Variants in MYT1L observed in about 807,000 individuals in gnomAD.
MYT1L encodes myelin transcription factor 1 like, also known as myelin transcription factor 1-like protein.
A neutral mutation model predicts 126.7 loss-of-function variants in MYT1L; 12 were observed. That is an observed-to-expected ratio of 0.09 (90% CI 0.06 to 0.15). The LOEUF (loss-of-function observed/expected upper bound fraction) is 0.15, where lower values mean the gene tolerates loss of function less well. Among genes scored for constraint, MYT1L ranks in the 10% least tolerant of loss-of-function variants. The pLI is 1.00. For synonymous variants in MYT1L, 541 were observed against 604.2 expected, an observed-to-expected ratio of 0.90 and a Z score of 1.53; for missense variants, 979 against 1,585.2, an observed-to-expected ratio of 0.62 and a Z score of 6.49.
At chr2:2,282,412 T>C (rs2095460571) in intron 2 of MYT1L, among the ~76,000 whole-genome samples, 1 of 152,228 alleles carries the variant, frequency 6.6e-6, no homozygotes, top group Non-Finnish European at 1.5e-5. Flanking sequence ...TATGAATTTA[T>C]GACACTGCTA....
intron 14 of MYT1L, among the ~76,000 whole-genome samples, chr2:1,898,494 G>A (rs1449032577): frequency 1.3e-5 from 2 of 152,332 alleles, no homozygotes; most frequent in Admixed American, 6.5e-5. Context: ...CAGGTTTCAG[G>A]CTCTCTTTTC....
At chr2:1,945,288 C>T (rs909568220) in intron 8 of MYT1L, among the ~76,000 whole-genome samples, 16 of 152,130 alleles carry the variant, frequency 1.1e-4, no homozygotes, top group African/African-American at 1.9e-4. Flanking sequence ...AGGTGCGAAG[C>T]GGAGGACAGA....
chr2:1,792,550 G>A, intron 23 of MYT1L, 86 bp from the exon 24 acceptor site: 1 of 1,391,480 alleles, frequency 7.2e-7, no homozygotes, highest in Non-Finnish European at 9.7e-7. Context: ...TCTACTGGGT[G>A]CGAAGAAGGG....
chr2:1,872,454 A>G (rs2046390707), intron 18 of MYT1L, among the ~76,000 whole-genome samples: 1 of 152,212 alleles, frequency 6.6e-6, no homozygotes, highest in Non-Finnish European at 1.5e-5. Flanking sequence ...TAGATCAGCC[A>G]TGGGCTTGTG....
At chr2:1,866,672 GGAGA>G (rs1262979787) in intron 18 of MYT1L, among the ~76,000 whole-genome samples, 1 of 75,978 alleles carries the variant, frequency 1.3e-5, no homozygotes, top group Non-Finnish European at 2.5e-5. Flanking sequence ...GGAGAGGGAG[GGAGA>G]GAGAGAGGCA....
Position 1,979,761 on chromosome 2 carries a change from T to C in MYT1L, c.17A>G (p.Glu6Gly). ...GGACCGCGTGCGATGCCGCTTCTCC[T>C]CGGTGTCCACCTCCATCTGGGGATA... MEVDT[E>G]EKRHRTRSKG... Residue 6 changes from glutamate to glycine, a missense_variant, in exon 6 of 25, where the codon GAG becomes GGG. Coordinates refer to ENST00000647738, the MANE Select transcript of MYT1L (RefSeq NM_001303052.2). The surrounding 1 kb of genome is among the most constrained non-coding windows in gnomAD (Gnocchi z 4.0). The C allele has an allele frequency of 6.2e-7, 1 of 1,613,974 alleles. No homozygotes were observed.
At chr2:2,313,349 C>T (rs540326960) in intron 1 of MYT1L, among the ~76,000 whole-genome samples, 2 of 152,184 alleles carry the variant, frequency 1.3e-5, no homozygotes, top group South Asian at 4.2e-4. Context: ...TTGTCTTAAC[C>T]CATGCTCAGA....
At chr2:2,237,107 C>T (rs1405147702) in intron 2 of MYT1L, among the ~76,000 whole-genome samples, 1 of 152,114 alleles carries the variant, frequency 6.6e-6, no homozygotes, top group Non-Finnish European at 1.5e-5. Context: ...AGCCACCACG[C>T]CCAACCTGGT....
rs2147912293 is a variant in MYT1L at position 1,801,677 on chromosome 2, G to A, written c.3276+19C>T. On this transcript the variant is annotated intron_variant, in intron 23 of 24. Transcript: ENST00000647738. This position sits in a 1 kb window ranked among gnomAD's most constrained non-coding sequence, Gnocchi z 4.2. ...TGGCGCGTGTTAGAGCTAAAATTGAGGGCTTCAAAAACTGTTACCTGAGTT... is the reference window on the plus strand; with the variant it reads ...TGGCGCGTGTTAGAGCTAAAATTGAAGGCTTCAAAAACTGTTACCTGAGTT... The A allele has an allele frequency of 2.0e-6, 3 of 1,526,924 alleles. No homozygotes were observed. Among genetic ancestry groups the A allele is most frequent in the Admixed American group, 1.7e-5 (1 of 57,324 alleles). The allele number at this position is 1,526,924 out of a possible 1,614,324, so 94.6% of individuals were successfully genotyped here. A position where few individuals can be genotyped will look rare whatever the true frequency, so the allele number is the denominator to read the frequency against.
chr2:2,295,687 G>GAC (rs376349647), intron 1 of MYT1L, among the ~76,000 whole-genome samples: 6 of 27,794 alleles, frequency 2.2e-4, no homozygotes, highest in Non-Finnish European at 5.3e-4. Context: ...GAGACAGACA[G>GAC]AGAGAGAGAG....
At position 1,887,238 on chromosome 2, in the gene MYT1L, A is replaced by T. The variant is rs2048272688; in HGVS notation, c.2642+250T>A. On this transcript the variant is annotated intron_variant, in intron 17 of 24. Coordinates refer to ENST00000647738, the MANE Select transcript of MYT1L (RefSeq NM_001303052.2). This position sits in a 1 kb window ranked among gnomAD's most constrained non-coding sequence, Gnocchi z 4.8. ...GCTGCAATGTCTGCAAGGGGATTTA[A>T]GCACCCTGAAGAAAAGCGGCAAAAT... 4.2e-6 allele frequency: 2 copies of T among 470,934 alleles called. No homozygotes were observed. Among genetic ancestry groups the T allele is most frequent in the Non-Finnish European group, 7.4e-6 (2 of 269,310 alleles). 29.2% of individuals were successfully genotyped at this position (470,934 alleles called of 1,614,324 possible). A position where few individuals can be genotyped will look rare whatever the true frequency, so the allele number is the denominator to read the frequency against.
In MYT1L at chr2:2,236,757, T is replaced by TTTCTTCTTCTTCTTCTTC. The variant is rs760901038; in HGVS notation, c.-421+47629_-421+47646dup. Among the ~76,000 whole-genome samples the TTTCTTCTTCTTCTTCTTC allele has an allele frequency of 2.9e-4, 38 of 132,618 alleles. No individual in the cohort carries two copies. In the East Asian group the frequency reaches 3.4e-3, roughly 12 times the overall value. The allele number at this position is 132,618 out of a possible 152,430, so 87.0% of individuals were successfully genotyped here. A position where few individuals can be genotyped will look rare whatever the true frequency, so the allele number is the denominator to read the frequency against. Reference sequence around the variant, plus strand: ...ACTGGTGAAGACTCATTGGTTGTCCTTTCTTCTTCTTCTTCTTCTTCTTCT... The same window carrying TTTCTTCTTCTTCTTCTTC: ...ACTGGTGAAGACTCATTGGTTGTCCTTTCTTCTTCTTCTTCTTCTTCTTCTTCTTCTTCTTCTTCTTCT... On this transcript the variant is annotated intron_variant, in intron 2 of 24. Coordinates refer to ENST00000647738, the MANE Select transcript of MYT1L (RefSeq NM_001303052.2).
chr2:2,158,640 C>A (rs1341741690), intron 3 of MYT1L, among the ~76,000 whole-genome samples: 1 of 151,410 alleles, frequency 6.6e-6, no homozygotes. Flanking sequence ...CACACACACA[C>A]ACACACACGC....
At chr2:2,244,378 T>A (rs2094493985) in intron 2 of MYT1L, among the ~76,000 whole-genome samples, 1 of 152,164 alleles carries the variant, frequency 6.6e-6, no homozygotes, top group South Asian at 2.1e-4. Context: ...ATCTCATAAA[T>A]AAAAAATGAT....
At chr2:2,168,747 T>A (rs985098002) in intron 3 of MYT1L, among the ~76,000 whole-genome samples, 1 of 152,168 alleles carries the variant, frequency 6.6e-6, no homozygotes, top group Non-Finnish European at 1.5e-5. Context: ...CCAGAATCAG[T>A]GTTCTCGGTT....
intron 22 of MYT1L, among the ~76,000 whole-genome samples, chr2:1,802,296 T>G (rs963891664): frequency 6.6e-6 from 1 of 151,930 alleles, no homozygotes; most frequent in Non-Finnish European, 1.5e-5. Flanking sequence ...GGTCGGAAAA[T>G]GGGCAACAGA....
intron 2 of MYT1L, among the ~76,000 whole-genome samples, chr2:2,262,421 G>T (rs978835538): frequency 6.6e-6 from 1 of 151,574 alleles, no homozygotes; most frequent in African/African-American, 2.4e-5. Context: ...GGCAGGGCGC[G>T]GTGGCTCACG....
chr2:2,066,236 C>T (rs936347423), intron 3 of MYT1L, among the ~76,000 whole-genome samples: 21 of 152,270 alleles, frequency 1.4e-4, no homozygotes, highest in Admixed American at 3.3e-4. Context: ...CACAGAGGAA[C>T]GGTAATGATA....
chr2:1,805,176 A>G (rs4853833), intron 22 of MYT1L, among the ~76,000 whole-genome samples: 88,240 of 152,060 alleles, frequency 0.58, 25,858 homozygotes, highest in South Asian at 0.69. Flanking sequence ...GAGCAGGCTC[A>G]TCCCTAAACT....
Sources: gnomAD v4.1 joint callset for allele counts (sites outside exome capture counted in the v4.1 genomes callset) on GRCh38, gnomAD v4.1.1 for gene constraint, Gnocchi (gnomAD v3.1) non-coding constraint, MANE v1.5 for transcripts, NCBI Gene and HGNC (gene_info 2026-07-23, HGNC 2026-07-21) for gene names.